Variants in TBCK observed in about 807,000 individuals in gnomAD.
TBCK encodes the protein TBC1 domain containing kinase.
TBCK carries 99 observed loss-of-function variants against 113.4 expected under a neutral mutation model. The ratio of observed to expected loss-of-function variants is 0.87; its 90% CI spans 0.74 to 1.03. The LOEUF is 1.03. Among genes scored for constraint, TBCK ranks in the 50% least tolerant of loss-of-function variants. The pLI is 0.00. For synonymous variants in TBCK, 369 were observed against 370.8 expected (o/e 1.00, Z 0.05); for missense variants, 1,045 against 1,061.3 (o/e 0.98, Z 0.21).
At chr4:106,206,903 T>C (rs984671832) in intron 20 of TBCK, among the ~76,000 whole-genome samples, 1 of 152,138 alleles carries the variant, frequency 6.6e-6, no homozygotes, top group Non-Finnish European at 1.5e-5. Flanking sequence ...TGACAGTAGG[T>C]TGAAAAGGCA....
At chr4:106,176,477 C>T in intron 22 of TBCK, among the ~76,000 whole-genome samples, 1 of 152,094 alleles carries the variant, frequency 6.6e-6, no homozygotes, top group Non-Finnish European at 1.5e-5. Context: ...GTGATGACCT[C>T]CAATTACATC....
chr4:106,244,622 T>C lies in TBCK; in HGVS notation c.1070+4A>G, dbSNP rs1760553485. 6.4e-7 allele frequency: 1 copy of C among 1,558,224 alleles called. No homozygotes were observed. Among genetic ancestry groups the C allele is most frequent in the Non-Finnish European group, 8.6e-7 (1 of 1,159,976 alleles). ...AAATTCCCAAGAGAAGTTTCTTTCC[T>C]TACTTGGGGAGTGTGCAGATAGGTG... On this transcript the variant is annotated splice_donor_region_variant and intron_variant, in intron 11 of 25. Coordinates refer to ENST00000394708, the MANE Select transcript of TBCK (RefSeq NM_001163435.3).
At chr4:106,266,753 A>G (rs915580670) in intron 3 of TBCK, among the ~76,000 whole-genome samples, 1 of 151,904 alleles carries the variant, frequency 6.6e-6, no homozygotes, top group African/African-American at 2.4e-5. Context: ...GTAAGGTATA[A>G]AGAGGAACAA....
chr4:106,285,374 C>A (rs1403302766), intron 3 of TBCK, among the ~76,000 whole-genome samples: 3 of 152,006 alleles, frequency 2.0e-5, no homozygotes. Context: ...AGATCTGGAG[C>A]TTCACGATAG....
At chr4:106,160,053 TG>T (rs1400001365) in intron 23 of TBCK, among the ~76,000 whole-genome samples, 1 of 152,046 alleles carries the variant, frequency 6.6e-6, no homozygotes, top group Non-Finnish European at 1.5e-5. Context: ...CAGATGTTTC[TG>T]GAAAAACTGT....
chr4:106,116,159 A>C (rs1743466580), intron 24 of TBCK, 44 bp downstream of exon 24: 1 of 1,560,532 alleles, frequency 6.4e-7, no homozygotes, highest in Non-Finnish European at 8.7e-7. Context: ...GATGCAATAC[A>C]AATAAGCAGT....
intron 6 of TBCK, chr4:106,251,170 C>A (rs1391089847): frequency 2.6e-6 from 1 of 381,620 alleles, no homozygotes; most frequent in Admixed American, 3.0e-5. Context: ...CTACTTAATA[C>A]CACCTGAAGT....
At chr4:106,274,305 A>G (rs1237229426) in intron 3 of TBCK, among the ~76,000 whole-genome samples, 2 of 152,240 alleles carry the variant, frequency 1.3e-5, no homozygotes, top group South Asian at 2.1e-4. Context: ...AGAGGTAAAC[A>G]TAGAATTACC....
intron 12 of TBCK, among the ~76,000 whole-genome samples, chr4:106,240,938 A>G (rs960167144): frequency 1.3e-5 from 2 of 152,082 alleles, no homozygotes; most frequent in Non-Finnish European, 2.9e-5. Context: ...TTTGTGGGCC[A>G]TGCAGTCTCT....
upstream of TBCK, chr4:106,316,301 T>G (rs1342361483): frequency 1.5e-5 from 7 of 452,336 alleles, no homozygotes; most frequent in East Asian, 1.5e-4. Context: ...TCCTTCCCCT[T>G]GCCCAAACTG....
intron 25 of TBCK, among the ~76,000 whole-genome samples, chr4:106,047,013 C>T (rs1007263328): frequency 3.3e-5 from 5 of 152,226 alleles, no homozygotes; most frequent in African/African-American, 4.8e-5. Context: ...GTTCCCAGTC[C>T]TCCCTCTCCA....
At chr4:106,314,452 C>A (rs1768531220) in intron 1 of TBCK, among the ~76,000 whole-genome samples, 1 of 152,024 alleles carries the variant, frequency 6.6e-6, no homozygotes. Context: ...TTAGGGCTAT[C>A]TCAAGAAGTC....
At chr4:106,218,629 T>A (rs1757283501) in intron 19 of TBCK, among the ~76,000 whole-genome samples, 4 of 98,328 alleles carry the variant, frequency 4.1e-5, no homozygotes, top group Admixed American at 2.1e-4. Context: ...ATGCTCACCA[T>A]CACTGGCCAT....
At chr4:106,191,104 GT>G (rs1173985738) in intron 22 of TBCK, among the ~76,000 whole-genome samples, 1 of 152,140 alleles carries the variant, frequency 6.6e-6, no homozygotes, top group East Asian at 1.9e-4. Context: ...TGAGCATGAC[GT>G]TTTTTCTTGT....
intron 19 of TBCK, among the ~76,000 whole-genome samples, chr4:106,218,327 A>C (rs949065702): frequency 1.3e-5 from 2 of 150,942 alleles, no homozygotes; most frequent in Admixed American, 6.6e-5. Flanking sequence ...TTCATGTCTA[A>C]AACACCAAAA....
chr4:106,267,976 T>C (rs1191017786), intron 3 of TBCK, among the ~76,000 whole-genome samples: 3 of 151,988 alleles, frequency 2.0e-5, no homozygotes, highest in East Asian at 1.9e-4. Flanking sequence ...CAAATACAGA[T>C]AGTCTGTCAC....
At chr4:106,239,456 AATG>A (rs1211547773) in intron 12 of TBCK, among the ~76,000 whole-genome samples, 1 of 152,110 alleles carries the variant, frequency 6.6e-6, no homozygotes, top group East Asian at 1.9e-4. Flanking sequence ...TAACACATCA[AATG>A]AAGAGAAGTA....
At chr4:106,214,440 C>T (rs1756599971) in intron 19 of TBCK, among the ~76,000 whole-genome samples, 1 of 151,682 alleles carries the variant, frequency 6.6e-6, no homozygotes, top group South Asian at 2.1e-4. Flanking sequence ...ACATTCAAAC[C>T]AAAGGCAAAG....
chr4:106,184,717 C>T lies in TBCK; in HGVS notation c.2059+8892G>A, dbSNP rs957891487. 2.0e-4 allele frequency among the ~76,000 whole-genome samples: 31 copies of T among 152,004 alleles called. 1 individual carries two copies. The highest frequency in any genetic ancestry group is 1.6e-3 in the Admixed American group (24 of 15,234). ...AGAAAAGGATGGTACAATATGTTACCGGGCTCCAGATATAATTCACCCAGC... is the reference window on the plus strand; with the variant it reads ...AGAAAAGGATGGTACAATATGTTACTGGGCTCCAGATATAATTCACCCAGC... On this transcript the variant is annotated intron_variant, in intron 22 of 25. Transcript: ENST00000394708.
Sources: allele counts gnomAD v4.1 joint callset (sites outside exome capture counted in the v4.1 genomes callset), GRCh38; gene constraint gnomAD v4.1.1; transcripts MANE v1.5; gene names NCBI Gene and HGNC (gene_info 2026-07-23, HGNC 2026-07-21).